Variants in MARCHF10 observed in about 807,000 individuals in gnomAD.
MARCHF10 encodes the protein membrane associated ring-CH-type finger 10, also known as probable E3 ubiquitin-protein ligase MARCHF10.
Under a neutral mutation model 76.2 loss-of-function variants are expected in MARCHF10, and 64 were observed. The ratio of observed to expected loss-of-function variants is 0.84; its 90% CI spans 0.69 to 1.03. The LOEUF is 1.03. Ranked by LOEUF, MARCHF10 falls within the 50% of genes least tolerant of loss-of-function variation. MARCHF10 has a pLI of 0.00. For missense variants in MARCHF10, 875 were observed against 958.0 expected, an observed-to-expected ratio of 0.91 and a Z score of 1.14; for synonymous variants, 340 against 357.5, an observed-to-expected ratio of 0.95 and a Z score of 0.55.
chr17:62,768,139 G>A (rs1204943392), intron 3 of MARCHF10, among the ~76,000 whole-genome samples: 1 of 152,194 alleles, frequency 6.6e-6, no homozygotes, highest in Non-Finnish European at 1.5e-5. Context: ...ACGTGTGCAA[G>A]AGATACACTT....
At chr17:62,788,735 G>T in intron 2 of MARCHF10, 136 bp from the exon 3 acceptor site, 1 of 1,232,624 alleles carries the variant, frequency 8.1e-7, no homozygotes, top group Non-Finnish European at 1.1e-6. Context: ...CTCTCACCAA[G>T]TATAAAGACC....
chr17:62,708,243 C>CTTTTTTTT (rs60147578), intron 9 of MARCHF10, among the ~76,000 whole-genome samples: 1 of 144,568 alleles, frequency 6.9e-6, no homozygotes. Flanking sequence ...AAAGTAGGTT[C>CTTTTTTTT]TTTTTTTTTT....
chr17:62,722,503 C>G lies in MARCHF10; in HGVS notation c.2199G>C (p.Lys733Asn). 1 of 1,612,998 alleles carries G rather than the reference C, an allele frequency of 6.2e-7. No homozygotes were observed. The highest frequency in any genetic ancestry group is 1.1e-5 in the South Asian group (1 of 90,684). The change falls in exon 8 of 11, where the codon AAG (lysine) becomes AAC (asparagine). Residue 733 changes from lysine (K) to asparagine (N), a missense_variant. Lys to Asn is a moderately conservative substitution (Grantham distance 94). Transcript: ENST00000311269. Reference protein sequence around the residue: ...GDFNMIEFYQKHQQSQAQNEL... With the variant: ...GDFNMIEFYQNHQQSQAQNEL... ...CATTTCTTACCTGAGATTGCTGGTGCTTCTGGTAGAACTCAATCATGTTAA... is the reference window on the plus strand; with the variant it reads ...CATTTCTTACCTGAGATTGCTGGTGGTTCTGGTAGAACTCAATCATGTTAA...
chr17:62,746,486 C>G (rs1424677979), intron 4 of MARCHF10, among the ~76,000 whole-genome samples: 4 of 150,278 alleles, frequency 2.7e-5, no homozygotes, highest in East Asian at 2.0e-4. Flanking sequence ...AGAGAGGGAT[C>G]AGGTGTTTTA....
chr17:62,727,339 A>G (rs1274502553), intron 6 of MARCHF10, among the ~76,000 whole-genome samples: 1 of 152,190 alleles, frequency 6.6e-6, no homozygotes, highest in Non-Finnish European at 1.5e-5. Flanking sequence ...AGGAGAATCA[A>G]GCATAAAATC....
At chr17:62,777,461 G>A (rs2092572472) in intron 3 of MARCHF10, among the ~76,000 whole-genome samples, 1 of 152,128 alleles carries the variant, frequency 6.6e-6, no homozygotes, top group African/African-American at 2.4e-5. Context: ...AGTGGCTCAT[G>A]CCTGTAATCC....
At position 62,801,660 on chromosome 17, in the gene MARCHF10, C is replaced by A. The variant is rs1469747333; in HGVS notation, c.76G>T (p.Asp26Tyr). 1 of 1,613,884 alleles carries A rather than the reference C, an allele frequency of 6.2e-7. No homozygotes were observed. The highest frequency in any genetic ancestry group is 1.3e-5 in the African/African-American group (1 of 74,900). Residue 26 changes from aspartate to tyrosine, a missense_variant, in exon 2 of 11, where the codon GAC becomes TAC. By Grantham distance (160) the Asp-to-Tyr change is radical. Transcript: ENST00000311269. The stretch of plus-strand genomic sequence containing the variant: ...TCTGCAATTACCTGATACTCAGAGT[C>A]CACCTTATGCTGCATGTCCCGCAGA... ...QYLRDMQHKV[D>Y]SEYQACLRRQ...
At chr17:62,714,590 T>C (rs893956832) in intron 8 of MARCHF10, among the ~76,000 whole-genome samples, 1 of 152,132 alleles carries the variant, frequency 6.6e-6, no homozygotes, top group African/African-American at 2.4e-5. Flanking sequence ...TATGCACAGA[T>C]GAAGCAATGA....
In MARCHF10 at chr17:62,711,389, C is replaced by A; in HGVS notation, c.2215-45G>T. 1 of 1,576,388 alleles carries A rather than the reference C, an allele frequency of 6.3e-7. No individual in the cohort carries two copies. The highest frequency in any genetic ancestry group is 1.1e-5 in the South Asian group (1 of 89,932). ...CTCTTCAGTTCATCTGTAAAATAGTCATGGTCTAAATTGTGGGATGCAGGG... is the reference window on the plus strand; with the variant it reads ...CTCTTCAGTTCATCTGTAAAATAGTAATGGTCTAAATTGTGGGATGCAGGG... On this transcript the variant is annotated intron_variant, in intron 8 of 10. Transcript: ENST00000311269. The surrounding 1 kb of genome is among the most constrained non-coding windows in gnomAD (Gnocchi z 4.4).
At chr17:62,775,837 G>GTTTATTT (rs1417123695) in intron 3 of MARCHF10, among the ~76,000 whole-genome samples, 1 of 131,810 alleles carries the variant, frequency 7.6e-6, no homozygotes, top group Non-Finnish European at 1.7e-5. Flanking sequence ...TTTATTTAGA[G>GTTTATTT]ACAGGATCTC....
At chr17:62,770,375 GT>G (rs1481004163) in intron 3 of MARCHF10, among the ~76,000 whole-genome samples, 15 of 152,142 alleles carry the variant, frequency 9.9e-5, no homozygotes, top group African/African-American at 3.1e-4. Flanking sequence ...TTTCCTCTGG[GT>G]ATATACCCAG....
chr17:62,768,265 T>G (rs1410648823), intron 3 of MARCHF10, among the ~76,000 whole-genome samples: 1 of 152,198 alleles, frequency 6.6e-6, no homozygotes, highest in Non-Finnish European at 1.5e-5. Flanking sequence ...ATGCCTGTAG[T>G]CCCAGTACTT....
chr17:62,750,383 T>G (rs1372110076), intron 4 of MARCHF10: 1 of 153,884 alleles, frequency 6.5e-6, no homozygotes, highest in Admixed American at 6.6e-5. Flanking sequence ...GAGAGGACAG[T>G]CAGGAGGTTC....
chr17:62,763,469 G>A (rs2092259366), intron 3 of MARCHF10, among the ~76,000 whole-genome samples: 1 of 151,990 alleles, frequency 6.6e-6, no homozygotes, highest in African/African-American at 2.4e-5. Context: ...AAGCTCTAAT[G>A]GCAAATATTT....
At chr17:62,783,490 T>C (rs1301301305) in intron 3 of MARCHF10, among the ~76,000 whole-genome samples, 5 of 151,820 alleles carry the variant, frequency 3.3e-5, no homozygotes, top group South Asian at 2.1e-4. Flanking sequence ...GCAAACAAAT[T>C]CAAAAGCTAG....
chr17:62,721,189 C>T (rs183415114), intron 8 of MARCHF10, among the ~76,000 whole-genome samples: 1 of 152,188 alleles, frequency 6.6e-6, no homozygotes, highest in East Asian at 1.9e-4. Flanking sequence ...CAGTGATTTG[C>T]TCTGTGACTT....
At chr17:62,775,530 T>C (rs1254484024) in intron 3 of MARCHF10, among the ~76,000 whole-genome samples, 8 of 152,000 alleles carry the variant, frequency 5.3e-5, no homozygotes, top group Non-Finnish European at 1.2e-4. Context: ...GGCTTATTAA[T>C]TACCATCCCC....
chr17:62,797,900 G>A lies in MARCHF10; in HGVS notation c.90+3746C>T, dbSNP rs569033603. 1.0e-4 allele frequency among the ~76,000 whole-genome samples: 13 copies of A among 125,392 alleles called. No individual in the cohort carries two copies. In the South Asian group the frequency reaches 3.7e-3, roughly 36 times the overall value. 82.3% of individuals were successfully genotyped at this position (125,392 alleles called of 152,430 possible). Reference sequence around the variant, plus strand: ...GGTAAAAAGGAAGGCACAAGTGCGTGAGTTCTTAGGTATACTTGGCAGGAC... The same window carrying A: ...GGTAAAAAGGAAGGCACAAGTGCGTAAGTTCTTAGGTATACTTGGCAGGAC... On this transcript the variant is annotated intron_variant, in intron 2 of 10. Transcript: ENST00000311269.
chr17:62,714,503 A>G (rs1839832450), intron 8 of MARCHF10: 1 of 735,490 alleles, frequency 1.4e-6, no homozygotes, highest in Admixed American at 6.3e-5. Context: ...TGAGGGCAAG[A>G]CCTGCATCTG....
Sources: allele counts gnomAD v4.1 joint callset (sites outside exome capture counted in the v4.1 genomes callset), GRCh38; gene constraint gnomAD v4.1.1; non-coding constraint Gnocchi (gnomAD v3.1); transcripts MANE v1.5; gene names NCBI Gene and HGNC (gene_info 2026-07-23, HGNC 2026-07-21).